Variants in NEK7 observed in about 807,000 individuals in gnomAD.
The protein encoded by NEK7 is serine/threonine-protein kinase Nek7.
NEK7 carries 18 observed loss-of-function variants against 44.6 expected under a neutral mutation model. That is an observed-to-expected ratio of 0.40 (90% confidence interval 0.28 to 0.60). The LOEUF is 0.60. NEK7 is among the 20% of genes least tolerant of loss of function. The pLI, the probability that NEK7 is intolerant of heterozygous loss-of-function variation, is 0.38. For synonymous variants in NEK7, 130 were observed against 121.1 expected (o/e 1.07, Z -0.48); for missense variants, 256 against 366.5 (o/e 0.70, Z 2.46).
chr1:198,197,908 G>T (rs1481202389), intron 1 of NEK7: 3 of 1,291,874 alleles, frequency 2.3e-6, no homozygotes, highest in African/African-American at 1.5e-5. Context: ...GTCCGAACAT[G>T]CCAGGAGCCA....
At chr1:198,178,691 T>G (rs946144265) in intron 1 of NEK7, among the ~76,000 whole-genome samples, 1 of 147,296 alleles carries the variant, frequency 6.8e-6, no homozygotes, top group Non-Finnish European at 1.5e-5. Context: ...CATTTTTTGT[T>G]GTTGTTGTTG....
At chr1:198,159,225 G>A (rs1274280564) in intron 1 of NEK7, among the ~76,000 whole-genome samples, 1 of 152,166 alleles carries the variant, frequency 6.6e-6, no homozygotes. Context: ...TGGGCTCGGA[G>A]AAGGCCGCGT....
chr1:198,193,835 A>T (rs1414295285), intron 1 of NEK7, among the ~76,000 whole-genome samples: 1 of 152,202 alleles, frequency 6.6e-6, no homozygotes, highest in Non-Finnish European at 1.5e-5. Flanking sequence ...ATATATGACA[A>T]AAAAGCCATA....
At chr1:198,186,159 C>A (rs1254670204) in intron 1 of NEK7, among the ~76,000 whole-genome samples, 1 of 152,058 alleles carries the variant, frequency 6.6e-6, no homozygotes, top group Non-Finnish European at 1.5e-5. Flanking sequence ...ATTATTTTTA[C>A]TTGTGAAAGG....
rs77254258 is a variant in NEK7 at position 198,269,459 on chromosome 1, A to C, written c.372+5224A>C. 5.3e-5 allele frequency among the ~76,000 whole-genome samples: 8 copies of C among 152,220 alleles called. No homozygotes were observed. The East Asian group carries it at 1.5e-3, about 29-fold the overall frequency. Reference sequence around the variant, plus strand: ...AGTTCTTTATAAAATAGATTATATCAGGAAAAAAAATCATAGGAACTTCTT... The same window carrying C: ...AGTTCTTTATAAAATAGATTATATCCGGAAAAAAAATCATAGGAACTTCTT... On this transcript the variant is annotated intron_variant, in intron 5 of 9. Coordinates refer to ENST00000367385, the MANE Select transcript of NEK7 (RefSeq NM_133494.3).
At chr1:198,223,152 T>A (rs1666117953) in intron 1 of NEK7, among the ~76,000 whole-genome samples, 2 of 152,160 alleles carry the variant, frequency 1.3e-5, no homozygotes, top group Admixed American at 6.5e-5. Context: ...TGAATTTTTA[T>A]TCTAAGAACA....
intron 9 of NEK7, among the ~76,000 whole-genome samples, chr1:198,310,136 C>G (rs542372378): frequency 2.7e-4 from 41 of 152,268 alleles, no homozygotes; most frequent in African/African-American, 9.9e-4. Flanking sequence ...GATTGCCATT[C>G]TAACTGGTGT....
At chr1:198,229,428 G>A (rs1666322359) in intron 1 of NEK7, among the ~76,000 whole-genome samples, 1 of 152,220 alleles carries the variant, frequency 6.6e-6, no homozygotes, top group African/African-American at 2.4e-5. Flanking sequence ...CAGAGAGGGG[G>A]TCAGGGGAAC....
intron 2 of NEK7, among the ~76,000 whole-genome samples, chr1:198,239,974 A>G (rs988705953): frequency 2.0e-5 from 3 of 152,194 alleles, no homozygotes; most frequent in Non-Finnish European, 2.9e-5. Context: ...AATGATAAGT[A>G]TTTATGTACC....
chr1:198,185,676 A>G (rs1221268015), intron 1 of NEK7, among the ~76,000 whole-genome samples: 1 of 152,196 alleles, frequency 6.6e-6, no homozygotes, highest in Admixed American at 6.5e-5. Context: ...CCTCCCATCT[A>G]TAGGTAGTGC....
intron 2 of NEK7, among the ~76,000 whole-genome samples, chr1:198,248,997 G>A (rs1267098138): frequency 2.0e-5 from 3 of 150,936 alleles, no homozygotes; most frequent in East Asian, 2.0e-4. Flanking sequence ...CCATTAACAC[G>A]TCATTTAGCA....
At chr1:198,275,913 C>G (rs1654004888) in intron 5 of NEK7, among the ~76,000 whole-genome samples, 1 of 151,466 alleles carries the variant, frequency 6.6e-6, no homozygotes, top group Non-Finnish European at 1.5e-5. Flanking sequence ...TAAACACACA[C>G]ATTAAAAATA....
chr1:198,227,130 G>C (rs1666250452), intron 1 of NEK7, among the ~76,000 whole-genome samples: 2 of 151,460 alleles, frequency 1.3e-5, no homozygotes, highest in African/African-American at 4.9e-5. Flanking sequence ...TTGGTTTTTT[G>C]TCCTTGCGAT....
At chr1:198,235,319 G>A (rs1016095107) in intron 2 of NEK7, among the ~76,000 whole-genome samples, 4 of 152,000 alleles carry the variant, frequency 2.6e-5, no homozygotes, top group Non-Finnish European at 5.9e-5. Context: ...TGAGATTTAT[G>A]TTTCTTTATT....
chr1:198,250,024 A>T (rs995977076), intron 2 of NEK7, among the ~76,000 whole-genome samples: 7 of 142,330 alleles, frequency 4.9e-5, no homozygotes, highest in African/African-American at 1.9e-4. Flanking sequence ...TCTAACGTTT[A>T]AGTCTTTAAT....
chr1:198,312,658 C>T (rs946481322), intron 9 of NEK7, among the ~76,000 whole-genome samples: 3 of 151,746 alleles, frequency 2.0e-5, no homozygotes, highest in African/African-American at 4.8e-5. Flanking sequence ...TCGTTGGTTT[C>T]AAAGAACATC....
chr1:198,216,765 A>G (rs1296775108), intron 1 of NEK7, among the ~76,000 whole-genome samples: 3 of 152,066 alleles, frequency 2.0e-5, no homozygotes. Context: ...ATTACAATCA[A>G]TATCACAGAA....
intron 2 of NEK7, among the ~76,000 whole-genome samples, chr1:198,240,752 G>C (rs546598558): frequency 6.6e-6 from 1 of 152,328 alleles, no homozygotes; most frequent in South Asian, 2.1e-4. Flanking sequence ...TGCAAGTGCA[G>C]TGGCACGATC....
intron 1 of NEK7, among the ~76,000 whole-genome samples, chr1:198,229,069 G>A (rs1199531083): frequency 6.6e-6 from 1 of 152,196 alleles, no homozygotes; most frequent in Non-Finnish European, 1.5e-5. Flanking sequence ...AGGCCAAGAA[G>A]AAGCTGAACA....
Sources: gnomAD v4.1 joint callset for allele counts (sites outside exome capture counted in the v4.1 genomes callset) on GRCh38, gnomAD v4.1.1 for gene constraint, MANE v1.5 for transcripts, NCBI Gene and HGNC (gene_info 2026-07-23, HGNC 2026-07-21) for gene names.